The following HLCS variants were observed in gnomAD, a reference collection of about 807,000 sequenced individuals.
HLCS encodes the protein holocarboxylase synthetase, also known as biotin--protein ligase.
A neutral mutation model predicts 75.0 loss-of-function variants in HLCS; 53 were observed. The ratio of observed to expected loss-of-function variants is 0.71; its 90% CI spans 0.57 to 0.89. The LOEUF is 0.89. Among genes scored for constraint, HLCS ranks in the 40% least tolerant of loss-of-function variants. HLCS has a pLI of 0.00. For missense variants in HLCS, 966 were observed against 1,074.0 expected (o/e 0.90, Z 1.41); for synonymous variants, 431 against 428.6 (o/e 1.01, Z -0.07).
intron 6 of HLCS, among the ~76,000 whole-genome samples, chr21:36,773,723 G>A (rs114122941): frequency 1.9e-3 from 296 of 152,312 alleles, no homozygotes; most frequent in African/African-American, 6.9e-3. Context: ...AGAGGGAGAA[G>A]GGGGCCCCAG....
intron 1 of HLCS, among the ~76,000 whole-genome samples, chr21:36,989,990 C>T (rs1035971853): frequency 6.6e-6 from 1 of 152,090 alleles, no homozygotes; most frequent in African/African-American, 2.4e-5. Context: ...CCCCTTCTGG[C>T]AGCTGGAGGC....
At chr21:36,802,368 C>T (rs570782922) in intron 6 of HLCS, among the ~76,000 whole-genome samples, 1 of 152,312 alleles carries the variant, frequency 6.6e-6, no homozygotes, top group South Asian at 2.1e-4. Flanking sequence ...ACTATGCGCC[C>T]AGGAGAAAAA....
At chr21:36,816,505 T>G (rs2061669621) in intron 6 of HLCS, among the ~76,000 whole-genome samples, 1 of 152,232 alleles carries the variant, frequency 6.6e-6, no homozygotes, top group Admixed American at 6.5e-5. Context: ...GTTAATACCT[T>G]GTCACTGTAG....
At chr21:36,908,069 CA>C (rs964605226) in intron 5 of HLCS, among the ~76,000 whole-genome samples, 6 of 141,464 alleles carry the variant, frequency 4.2e-5, no homozygotes, top group African/African-American at 1.6e-4. Flanking sequence ...ACCCTGTCTC[CA>C]AAAAAAAAGA....
chr21:36,854,727 A>G (rs550233388), intron 6 of HLCS, among the ~76,000 whole-genome samples: 4 of 152,332 alleles, frequency 2.6e-5, no homozygotes, highest in South Asian at 4.1e-4. Flanking sequence ...CAGAGGGGCC[A>G]AGGATTCACG....
At chr21:36,973,654 C>T (rs976373361) in intron 1 of HLCS, 9 of 152,176 alleles carry the variant, frequency 5.9e-5, no homozygotes, top group African/African-American at 2.2e-4. Flanking sequence ...CTACTAGATA[C>T]TCAGAGGGGA....
At chr21:36,839,189 G>A (rs16994530) in intron 6 of HLCS, among the ~76,000 whole-genome samples, 5,507 of 152,242 alleles carry the variant, frequency 0.036, 150 homozygotes, top group African/African-American at 0.074. Context: ...AAATACACAC[G>A]GCTGAAAAAT....
At chr21:36,822,927 C>T (rs2037865431) in intron 6 of HLCS, among the ~76,000 whole-genome samples, 1 of 152,152 alleles carries the variant, frequency 6.6e-6, no homozygotes, top group Admixed American at 6.5e-5. Flanking sequence ...GAAATAAAAA[C>T]AACAAAGTAA....
chr21:36,979,377 G>A (rs1165919381), intron 1 of HLCS, among the ~76,000 whole-genome samples: 1 of 152,098 alleles, frequency 6.6e-6, no homozygotes, highest in Non-Finnish European at 1.5e-5. Context: ...GACTATGGTG[G>A]GAGAAGGGGG....
chr21:36,937,795 G>C lies in HLCS; in HGVS notation c.494-403C>G, dbSNP rs116907270. On this transcript the variant is annotated intron_variant, in intron 3 of 10. Coordinates refer to ENST00000674895, the MANE Select transcript of HLCS (RefSeq NM_001352514.2). Reference sequence around the variant, plus strand: ...ACATATCTAGAGTCTACCCCAGCACGCCCCAGTGAAATGTCACTCTCAAGA... The same window carrying C: ...ACATATCTAGAGTCTACCCCAGCACCCCCCAGTGAAATGTCACTCTCAAGA... 1.9e-3 allele frequency among the ~76,000 whole-genome samples: 294 copies of C among 152,240 alleles called. 11 individuals are homozygous for C. The East Asian group carries it at 0.046, about 24-fold the overall frequency.
intron 1 of HLCS, among the ~76,000 whole-genome samples, chr21:36,977,873 C>G (rs1186166129): frequency 6.6e-6 from 1 of 152,186 alleles, no homozygotes; most frequent in Non-Finnish European, 1.5e-5. Flanking sequence ...CTATTGTGAC[C>G]CAGCAACTGC....
chr21:36,966,425 G>GGCGCCC lies in HLCS; in HGVS notation c.195+18_195+19insGGGCGC. On this transcript the variant is annotated intron_variant, in intron 1 of 10. Coordinates refer to ENST00000674895, the MANE Select transcript of HLCS (RefSeq NM_001352514.2). The stretch of plus-strand genomic sequence containing the variant: ...CCGGCTCGCGGGGCCCGGGTCGCCC[G>GGCGCCC]CCCGCCCGACCCGCCCACCTGGCTG... 1 of 195,440 alleles carries GGCGCCC rather than the reference G, an allele frequency of 5.1e-6. No homozygotes were observed. Among genetic ancestry groups the GGCGCCC allele is most frequent in the Non-Finnish European group, 8.6e-6 (1 of 116,692 alleles). The allele number at this position is 195,440 out of a possible 1,614,324, so 12.1% of individuals were successfully genotyped here.
intron 1 of HLCS, among the ~76,000 whole-genome samples, chr21:36,976,848 A>G (rs1196551113): frequency 7.8e-6 from 1 of 128,572 alleles, no homozygotes; most frequent in East Asian, 2.4e-4. Context: ...TCATCTCTCT[A>G]GGTCACAGTT....
At chr21:36,877,075 C>T (rs2146256729) in intron 6 of HLCS, among the ~76,000 whole-genome samples, 1 of 152,288 alleles carries the variant, frequency 6.6e-6, no homozygotes, top group East Asian at 1.9e-4. Context: ...CTCCAACCTC[C>T]TTAGGCTGTT....
At chr21:36,872,903 T>A (rs34473124) in intron 6 of HLCS, among the ~76,000 whole-genome samples, 48,931 of 151,980 alleles carry the variant, frequency 0.32, 8,203 homozygotes, top group Middle Eastern at 0.46. Context: ...GCTCCACTAT[T>A]TTTTTTCAAA....
At chr21:36,805,828 T>C (rs2061345199) in intron 6 of HLCS, among the ~76,000 whole-genome samples, 2 of 152,186 alleles carry the variant, frequency 1.3e-5, no homozygotes, top group Non-Finnish European at 2.9e-5. Context: ...AGACGTCCAC[T>C]TCATGAAGTA....
intron 6 of HLCS, among the ~76,000 whole-genome samples, chr21:36,864,370 A>AG (rs2063484380): frequency 1.3e-5 from 2 of 152,064 alleles, no homozygotes; most frequent in Non-Finnish European, 2.9e-5. Context: ...ACTGCACTCC[A>AG]GCCTGGGCAA....
chr21:36,822,921 T>C (rs1400312734), intron 6 of HLCS, among the ~76,000 whole-genome samples: 9 of 152,132 alleles, frequency 5.9e-5, no homozygotes, highest in African/African-American at 2.2e-4. Context: ...TTAAAAGAAA[T>C]AAAAACAACA....
At chr21:36,957,439 G>A (rs2068023321) in intron 2 of HLCS, among the ~76,000 whole-genome samples, 1 of 151,980 alleles carries the variant, frequency 6.6e-6, no homozygotes, top group South Asian at 2.1e-4. Context: ...CCAGCTCCAG[G>A]TATTTCTTTA....
Sources: gnomAD v4.1 joint callset for allele counts (sites outside exome capture counted in the v4.1 genomes callset) on GRCh38, gnomAD v4.1.1 for gene constraint, MANE v1.5 for transcripts, NCBI Gene and HGNC (gene_info 2026-07-23, HGNC 2026-07-21) for gene names.